ARHGEF38: variants seen among roughly 807,000 people sequenced by gnomAD.
The protein encoded by ARHGEF38 is Rho guanine nucleotide exchange factor (GEF) 38.
In ARHGEF38, 79 loss-of-function variants were observed where a neutral mutation model predicts 79.9. That is an observed-to-expected ratio of 0.99 (90% CI 0.82 to 1.19). ARHGEF38 has a LOEUF of 1.19. Ranked by LOEUF, ARHGEF38 falls within the 50% of genes most tolerant of loss-of-function variation. The pLI, the probability that ARHGEF38 is intolerant of heterozygous loss-of-function variation, is 0.00. For missense variants in ARHGEF38, 962 were observed against 907.2 expected, an observed-to-expected ratio of 1.06 and a Z score of -0.78; for synonymous variants, 366 against 328.3, an observed-to-expected ratio of 1.11 and a Z score of -1.24.
chr4:105,673,354 TG>T (rs1560764196), intron 13 of ARHGEF38, among the ~76,000 whole-genome samples: 1 of 152,114 alleles, frequency 6.6e-6, no homozygotes, highest in South Asian at 2.1e-4. Context: ...AACCCAGTTT[TG>T]GGGGGCAGTT....
At chr4:105,611,596 A>T (rs1728296249) in intron 2 of ARHGEF38, among the ~76,000 whole-genome samples, 1 of 152,012 alleles carries the variant, frequency 6.6e-6, no homozygotes, top group African/African-American at 2.4e-5. Context: ...TGTAACTGTT[A>T]TATGCCTTTT....
intron 5 of ARHGEF38, among the ~76,000 whole-genome samples, chr4:105,637,435 A>G (rs1472993497): frequency 6.6e-6 from 1 of 152,044 alleles, no homozygotes; most frequent in Non-Finnish European, 1.5e-5. Flanking sequence ...CTTTTTTCAA[A>G]AGGAAAAACT....
intron 10 of ARHGEF38, among the ~76,000 whole-genome samples, chr4:105,662,056 T>C (rs556183245): frequency 6.6e-6 from 1 of 152,316 alleles, no homozygotes; most frequent in African/African-American, 2.4e-5. Context: ...TGCTTAACTA[T>C]GTACCATTTT....
chr4:105,600,713 T>A (rs11735330), intron 2 of ARHGEF38, among the ~76,000 whole-genome samples: 17,656 of 152,158 alleles, frequency 0.12, 1,094 homozygotes, highest in Middle Eastern at 0.2. Context: ...CATCTCCAAT[T>A]TAACATGTTC....
intron 8 of ARHGEF38, 62 bp from the exon 9 acceptor site, chr4:105,655,541 G>T: frequency 6.7e-7 from 1 of 1,495,708 alleles, no homozygotes. Context: ...CCACATTTGG[G>T]ATATGTTAAT....
chr4:105,666,327 T>C lies in ARHGEF38; in HGVS notation c.1689+7T>C, dbSNP rs143122040. The C allele has an allele frequency of 5.3e-4, 800 of 1,516,202 alleles. 4 individuals are homozygous for C. The East Asian group carries it at 0.016, about 30-fold the overall frequency. The allele number at this position is 1,516,202 out of a possible 1,614,324, so 93.9% of individuals were successfully genotyped here. The stretch of plus-strand genomic sequence containing the variant: ...GAAACCTGTGCAGATTCTGGTGAGT[T>C]TGGCAGCATTCATGACAATGATAAC... On this transcript the variant is annotated splice_region_variant and intron_variant, in intron 11 of 13. Transcript: ENST00000420470.
At chr4:105,610,753 A>G (rs1193696044) in intron 2 of ARHGEF38, among the ~76,000 whole-genome samples, 1 of 152,078 alleles carries the variant, frequency 6.6e-6, no homozygotes, top group African/African-American at 2.4e-5. Context: ...TGGAATTAAA[A>G]TCTATGTTTT....
intron 2 of ARHGEF38, among the ~76,000 whole-genome samples, chr4:105,599,468 C>T (rs1727729935): frequency 6.6e-6 from 1 of 152,110 alleles, no homozygotes; most frequent in Non-Finnish European, 1.5e-5. Context: ...CATCCCTCAG[C>T]CTGGGCAAGA....
chr4:105,660,954 C>T (rs1405157927), intron 10 of ARHGEF38, among the ~76,000 whole-genome samples: 1 of 152,060 alleles, frequency 6.6e-6, no homozygotes, highest in African/African-American at 2.4e-5. Flanking sequence ...TTGTCGTGGC[C>T]CCCTAAAGGA....
chr4:105,631,101 AT>A, intron 4 of ARHGEF38, 56 bp downstream of exon 4: 1 of 1,550,148 alleles, frequency 6.5e-7, no homozygotes, highest in Non-Finnish European at 8.7e-7. Flanking sequence ...AGCAGGGAAC[AT>A]TTTAAATGGA....
At chr4:105,682,060 T>C (rs1731327914), downstream of ARHGEF38, among the ~76,000 whole-genome samples, 1 of 152,162 alleles carries the variant, frequency 6.6e-6, no homozygotes, top group African/African-American at 2.4e-5. Context: ...ATGTATTACA[T>C]TGGCAATGTA....
chr4:105,581,397 C>T (rs1040716198), intron 1 of ARHGEF38, among the ~76,000 whole-genome samples: 9 of 152,106 alleles, frequency 5.9e-5, no homozygotes, highest in African/African-American at 2.2e-4. Context: ...CTCTATTATA[C>T]CCTCTAGACC....
At chr4:105,636,104 A>G (rs930335565) in intron 4 of ARHGEF38, among the ~76,000 whole-genome samples, 1 of 152,106 alleles carries the variant, frequency 6.6e-6, no homozygotes, top group Admixed American at 6.6e-5. Context: ...AAATTTTTTT[A>G]TATTGAAAAC....
At chr4:105,656,788 T>C (rs1730345005) in intron 9 of ARHGEF38, among the ~76,000 whole-genome samples, 1 of 152,064 alleles carries the variant, frequency 6.6e-6, no homozygotes, top group Admixed American at 6.6e-5. Context: ...TAACATCCCC[T>C]CACATCAAGA....
At chr4:105,582,582 A>G (rs1486859430) in intron 1 of ARHGEF38, among the ~76,000 whole-genome samples, 2 of 152,146 alleles carry the variant, frequency 1.3e-5, no homozygotes, top group African/African-American at 4.8e-5. Context: ...TTCTACATTA[A>G]TTTCATGGTA....
At chr4:105,557,487 A>G (rs888926467) in intron 1 of ARHGEF38, among the ~76,000 whole-genome samples, 4 of 151,888 alleles carry the variant, frequency 2.6e-5, no homozygotes, top group African/African-American at 9.7e-5. Flanking sequence ...GTATTCCTCT[A>G]AAATTCCTAT....
intron 1 of ARHGEF38, among the ~76,000 whole-genome samples, chr4:105,565,852 C>T (rs1235372573): frequency 6.6e-6 from 1 of 152,144 alleles, no homozygotes; most frequent in Non-Finnish European, 1.5e-5. Flanking sequence ...TTTGACTTCT[C>T]CTTTACCCTC....
At chr4:105,603,219 A>G (rs1177238908) in intron 2 of ARHGEF38, among the ~76,000 whole-genome samples, 1 of 152,150 alleles carries the variant, frequency 6.6e-6, no homozygotes, top group Non-Finnish European at 1.5e-5. Context: ...TATATTAGTT[A>G]ATATAATCCT....
At chr4:105,597,764 T>C (rs1351149179) in intron 2 of ARHGEF38, among the ~76,000 whole-genome samples, 1 of 152,198 alleles carries the variant, frequency 6.6e-6, no homozygotes, top group East Asian at 1.9e-4. Context: ...TTGCAGGATG[T>C]TAGCCTTGGG....
Sources: gnomAD v4.1 joint callset for allele counts (sites outside exome capture counted in the v4.1 genomes callset) on GRCh38, gnomAD v4.1.1 for gene constraint, MANE v1.5 for transcripts, NCBI Gene and HGNC (gene_info 2026-07-23, HGNC 2026-07-21) for gene names.